The following ZNF829 variants were observed in gnomAD, a reference collection of about 807,000 sequenced individuals.
ZNF829 encodes the protein zinc finger protein 829.
In ZNF829, 25 loss-of-function variants were observed where a neutral mutation model predicts 35.2. The ratio of observed to expected loss-of-function variants is 0.71; its 90% CI spans 0.52 to 0.99. The LOEUF (loss-of-function observed/expected upper bound fraction) is 0.99, where lower values mean the gene tolerates loss of function less well. Ranked by LOEUF, ZNF829 falls within the 50% of genes least tolerant of loss-of-function variation. ZNF829 has a pLI of 0.00. For missense variants in ZNF829, 417 were observed against 515.3 expected (o/e 0.81, Z 1.85); for synonymous variants, 136 against 163.2 (o/e 0.83, Z 1.27).
intron 5 of ZNF829, among the ~76,000 whole-genome samples, chr19:36,895,158 A>G (rs2073100777): frequency 6.6e-6 from 1 of 152,188 alleles, no homozygotes; most frequent in Non-Finnish European, 1.5e-5. Context: ...CCAGGAAAGA[A>G]TGGGATGATA....
chr19:36,892,382 AAG>A lies in ZNF829; in HGVS notation c.407_408del (p.Thr136IlefsTer16). Reference protein sequence around the residue: ...QVIITREDMSTFIQPTFLIPP... With the variant: ...QVIITREDMSXFIQPTFLIPP... ...GGAATAAGAAATGTGGGCTGAATAA[AAG>A]TAGACATGTCTTCACGGGTAATTAT... On this transcript the variant is annotated frameshift_variant, in exon 6 of 6. Transcript: ENST00000391711. LOFTEE classifies it high-confidence loss of function. The A allele has an allele frequency of 3.1e-6, 5 of 1,613,282 alleles. No homozygotes were observed. Among genetic ancestry groups the A allele is most frequent in the Non-Finnish European group, 3.4e-6 (4 of 1,179,908 alleles).
At chr19:36,901,287 CA>C (rs1284477907) in intron 5 of ZNF829, among the ~76,000 whole-genome samples, 2 of 152,012 alleles carry the variant, frequency 1.3e-5, no homozygotes, top group Non-Finnish European at 2.9e-5. Context: ...TGTACAATTC[CA>C]TTTATATGAA....
chr19:36,896,373 C>T (rs992297291), intron 5 of ZNF829, among the ~76,000 whole-genome samples: 3 of 151,442 alleles, frequency 2.0e-5, no homozygotes, highest in African/African-American at 2.4e-5. Context: ...ATCCGAGCTA[C>T]TCAGGAGGCT....
chr19:36,905,177 T>C (rs1600738793), intron 5 of ZNF829, among the ~76,000 whole-genome samples: 1 of 152,200 alleles, frequency 6.6e-6, no homozygotes, highest in Admixed American at 6.5e-5. Flanking sequence ...TTCTCATTGA[T>C]GAATCTTATC....
intron 3 of ZNF829, among the ~76,000 whole-genome samples, chr19:36,909,132 G>A (rs1322894067): frequency 6.6e-6 from 1 of 152,076 alleles, no homozygotes; most frequent in East Asian, 1.9e-4. Context: ...ACATGAAAAT[G>A]GTGATGAAAG....
chr19:36,900,566 G>A (rs2073156568), intron 5 of ZNF829, among the ~76,000 whole-genome samples: 1 of 151,726 alleles, frequency 6.6e-6, no homozygotes. Context: ...AAAACAACCA[G>A]GCCAAGTGTG....
At chr19:36,892,933 G>A in intron 5 of ZNF829, 1 of 864,760 alleles carries the variant, frequency 1.2e-6, no homozygotes, top group Non-Finnish European at 1.6e-6. Context: ...GGAGGGCCAT[G>A]GAGGAGGACA....
intron 3 of ZNF829, among the ~76,000 whole-genome samples, chr19:36,908,946 G>C (rs1266530087): frequency 6.6e-6 from 1 of 152,140 alleles, no homozygotes; most frequent in Non-Finnish European, 1.5e-5. Context: ...TCTATAGCCA[G>C]TCAGATTACT....
chr19:36,896,771 A>G (rs569736708), intron 5 of ZNF829, among the ~76,000 whole-genome samples: 2 of 152,370 alleles, frequency 1.3e-5, no homozygotes, highest in African/African-American at 4.8e-5. Flanking sequence ...CATATCAAGT[A>G]TCTTCTCAGA....
intron 5 of ZNF829, among the ~76,000 whole-genome samples, chr19:36,905,204 C>T (rs2073205501): frequency 6.6e-6 from 1 of 152,114 alleles, no homozygotes; most frequent in African/African-American, 2.4e-5. Flanking sequence ...AAATTATTTA[C>T]AGCAATGTTC....
At chr19:36,897,214 C>T (rs1458155639) in intron 5 of ZNF829, among the ~76,000 whole-genome samples, 3 of 152,148 alleles carry the variant, frequency 2.0e-5, no homozygotes, top group Non-Finnish European at 4.4e-5. Context: ...ACAAGGCCAG[C>T]ATTACCCTGA....
chr19:36,892,928 GC>G, intron 5 of ZNF829: 1 of 941,898 alleles, frequency 1.1e-6, no homozygotes, highest in Non-Finnish European at 1.4e-6. Flanking sequence ...AAGCTGGAGG[GC>G]CATGGAGGAG....
intron 3 of ZNF829, chr19:36,913,125 C>G (rs2073277943): frequency 6.6e-6 from 1 of 152,194 alleles, no homozygotes; most frequent in African/African-American, 2.4e-5. Flanking sequence ...AGAGGGGAAG[C>G]AGATATTCTA....
At chr19:36,893,843 A>G (rs2073085898) in intron 5 of ZNF829, among the ~76,000 whole-genome samples, 1 of 152,126 alleles carries the variant, frequency 6.6e-6, no homozygotes, top group Non-Finnish European at 1.5e-5. Context: ...AGTATGTTCT[A>G]GCACCCTCTA....
At position 36,888,223 on chromosome 19, in the gene ZNF829, T is replaced by C. The variant is rs1173357969; in HGVS notation, c.*3269A>G. On this transcript the variant is annotated 3_prime_UTR_variant, in exon 6 of 6. Coordinates refer to ENST00000391711, the MANE Select transcript of ZNF829 (RefSeq NM_001037232.4). Reference sequence around the variant, plus strand: ...TAACATAGAAATAGAAATGAAATTATAAATTGTGCTGTCTTGTTTGATCAA... The same window carrying C: ...TAACATAGAAATAGAAATGAAATTACAAATTGTGCTGTCTTGTTTGATCAA... 1 of 152,168 alleles carries C rather than the reference T, an allele frequency of 6.6e-6. No individual in the cohort carries two copies. Among genetic ancestry groups the C allele is most frequent in the African/African-American group, 2.4e-5 (1 of 41,452 alleles). 9.4% of individuals were successfully genotyped at this position (152,168 alleles called of 1,614,324 possible).
At position 36,899,901 on chromosome 19, in the gene ZNF829, T is replaced by TA. The variant is rs546537047; in HGVS notation, c.320-7431dup. On this transcript the variant is annotated intron_variant, in intron 5 of 5. Coordinates refer to ENST00000391711, the MANE Select transcript of ZNF829 (RefSeq NM_001037232.4). Reference sequence around the variant, plus strand: ...AATAATTTTTAAAAAAAGGTTCATATAAAAATTTTTTTTTAAACACATATA... The same window carrying TA: ...AATAATTTTTAAAAAAAGGTTCATATAAAAAATTTTTTTTTAAACACATATA... 3.5e-5 allele frequency among the ~76,000 whole-genome samples: 5 copies of TA among 143,388 alleles called. No homozygotes were observed. In the East Asian group the frequency reaches 5.8e-4, roughly 17 times the overall value. The allele number at this position is 143,388 out of a possible 152,430, so 94.1% of individuals were successfully genotyped here. A position where few individuals can be genotyped will look rare whatever the true frequency, so the allele number is the denominator to read the frequency against.
In ZNF829 at chr19:36,907,973, T is replaced by C; in HGVS notation, c.275A>G (p.Glu92Gly). The change falls in exon 5 of 6, where the codon GAG becomes GGG. Residue 92 changes from glutamate to glycine, a missense_variant. By Grantham distance (98) the Glu-to-Gly change is moderately conservative (BLOSUM62 -2). Transcript: ENST00000391711. The stretch of plus-strand genomic sequence containing the variant: ...CAGCTCTCTATCAACCATCCAGGGC[T>C]CTTTTCCTTGTTCCAATAAGGAGAT... ...AVISLLEQGK[E>G]PWMVDRELTR... The C allele has an allele frequency of 1.2e-6, 2 of 1,614,022 alleles. No individual in the cohort carries two copies. Among genetic ancestry groups the C allele is most frequent in the East Asian group, 2.2e-5 (1 of 44,870 alleles).
intron 3 of ZNF829, among the ~76,000 whole-genome samples, chr19:36,910,898 T>A: frequency 6.6e-6 from 1 of 151,934 alleles, no homozygotes; most frequent in South Asian, 2.1e-4. Context: ...TCCCAGCTAC[T>A]CAGAAGGCCA....
intron 3 of ZNF829, among the ~76,000 whole-genome samples, chr19:36,914,294 T>C (rs1233778758): frequency 6.6e-6 from 1 of 152,100 alleles, no homozygotes; most frequent in East Asian, 1.9e-4. Flanking sequence ...AATGATGAAA[T>C]AGTCCAAATA....
Sources: allele counts gnomAD v4.1 joint callset (sites outside exome capture counted in the v4.1 genomes callset), GRCh38; gene constraint gnomAD v4.1.1; transcripts MANE v1.5; gene names NCBI Gene and HGNC (gene_info 2026-07-23, HGNC 2026-07-21).